CDKN2B-AS1: variants seen among roughly 807,000 people sequenced by gnomAD.
CDKN2B-AS1 encodes the protein CDKN2B antisense RNA 1 (non-protein coding).
intron 1 of CDKN2B-AS1, among the ~76,000 whole-genome samples, chr9:22,013,232 C>T (rs1821588767): frequency 1.3e-5 from 2 of 152,080 alleles, no homozygotes; most frequent in African/African-American, 2.4e-5. Context: ...TTTCCAAATA[C>T]GGTCAAATTG....
chr9:22,062,585 G>T (rs995076623), intron 4 of CDKN2B-AS1, among the ~76,000 whole-genome samples: 5 of 152,112 alleles, frequency 3.3e-5, no homozygotes, highest in South Asian at 2.1e-4. Flanking sequence ...ATGATTCCAA[G>T]AGTCTTTCTC....
exon 5 of CDKN2B-AS1, among the ~76,000 whole-genome samples, chr9:22,127,787 G>C (rs989525582): frequency 6.6e-6 from 1 of 152,184 alleles, no homozygotes; most frequent in Non-Finnish European, 1.5e-5. Flanking sequence ...TCTAATTGTA[G>C]AACTCACTTC....
At chr9:22,007,558 CG>C (rs1377478515) in intron 1 of CDKN2B-AS1, among the ~76,000 whole-genome samples, 1 of 151,868 alleles carries the variant, frequency 6.6e-6, no homozygotes, top group Non-Finnish European at 1.5e-5. Context: ...TGTCTAAAAT[CG>C]AGTTATTTGT....
chr9:22,088,886 A>G (rs892255296), intron 4 of CDKN2B-AS1, among the ~76,000 whole-genome samples: 3 of 152,214 alleles, frequency 2.0e-5, no homozygotes, highest in Non-Finnish European at 4.4e-5. Context: ...TCCCTTTGCT[A>G]AAATAAACAG....
At chr9:22,041,215 A>G (rs1563940727) in intron 1 of CDKN2B-AS1, among the ~76,000 whole-genome samples, 1 of 152,056 alleles carries the variant, frequency 6.6e-6, no homozygotes, top group Non-Finnish European at 1.5e-5. Flanking sequence ...GGAGAAAAAG[A>G]AAAGAGAGAA....
intron 1 of CDKN2B-AS1, among the ~76,000 whole-genome samples, chr9:22,027,968 A>G (rs182541352): frequency 1.3e-5 from 2 of 152,354 alleles, no homozygotes; most frequent in African/African-American, 2.4e-5. Context: ...CATAAAACAT[A>G]CAAGATCTGG....
At chr9:22,069,153 T>C (rs995870311) in intron 4 of CDKN2B-AS1, among the ~76,000 whole-genome samples, 8 of 152,164 alleles carry the variant, frequency 5.3e-5, no homozygotes, top group Non-Finnish European at 8.8e-5. Flanking sequence ...GGGTAGGTCA[T>C]ACAGAGCGAT....
chr9:22,060,793 A>C (rs1334552568), intron 4 of CDKN2B-AS1, among the ~76,000 whole-genome samples: 1 of 152,172 alleles, frequency 6.6e-6, no homozygotes, highest in African/African-American at 2.4e-5. Flanking sequence ...GGCACTTCTC[A>C]TGTGGCAGTG....
Position 21,995,908 on chromosome 9 carries a change from C to T in CDKN2B-AS1, n.29+747C>T, listed in dbSNP as rs1487480122. 6.6e-6 allele frequency: 1 copy of T among 152,594 alleles called. No individual in the cohort carries two copies. Among genetic ancestry groups the T allele is most frequent in the Non-Finnish European group, 1.5e-5 (1 of 68,238 alleles). The allele number at this position is 152,594 out of a possible 1,614,324, so 9.5% of individuals were successfully genotyped here. A position where few individuals can be genotyped will look rare whatever the true frequency, so the allele number is the denominator to read the frequency against. On this transcript the variant is annotated intron_variant and non_coding_transcript_variant, in intron 1 of 4. Transcript: ENST00000650946. The surrounding 1 kb of genome is among the most constrained non-coding windows in gnomAD (Gnocchi z 5.7). ...CGTCCTAAACCTCGCGGGCTGGACC[C>T]GCGGCCTGAGTGGGTGGGTGTGTGC...
Position 21,997,919 on chromosome 9 carries a change from T to C in CDKN2B-AS1, n.29+2758T>C, listed in dbSNP as rs767548293. Among the ~76,000 whole-genome samples the C allele has an allele frequency of 1.3e-5, 2 of 152,110 alleles. No individual in the cohort carries two copies. The highest frequency in any genetic ancestry group is 2.4e-5 in the African/African-American group (1 of 41,408). ...TGAGGATCAAATTTAAATTGAGGGA[T>C]CTATCTTTGTTTATTGGAGCCATAT... On this transcript the variant is annotated intron_variant and non_coding_transcript_variant, in intron 1 of 4. Coordinates refer to ENST00000650946, the Ensembl canonical transcript of CDKN2B-AS1. The surrounding 1 kb of genome is among the most constrained non-coding windows in gnomAD (Gnocchi z 4.8).
chr9:22,091,476 A>C (rs1825082165), intron 4 of CDKN2B-AS1, among the ~76,000 whole-genome samples: 1 of 152,096 alleles, frequency 6.6e-6, no homozygotes, highest in Non-Finnish European at 1.5e-5. Flanking sequence ...ATGTTCTTCC[A>C]TTTGTTTGTA....
At chr9:22,124,361 A>C (rs1165951172) in intron 4 of CDKN2B-AS1, among the ~76,000 whole-genome samples, 1 of 152,296 alleles carries the variant, frequency 6.6e-6, no homozygotes, top group East Asian at 1.9e-4. Context: ...CTAAACTAAC[A>C]AACAGCCAAT....
intron 4 of CDKN2B-AS1, among the ~76,000 whole-genome samples, chr9:22,105,176 T>C (rs780727223): frequency 1.1e-4 from 16 of 152,156 alleles, no homozygotes; most frequent in Non-Finnish European, 2.2e-4. Context: ...GGCTGGGATA[T>C]TGTGGGCTCA....
intron 4 of CDKN2B-AS1, among the ~76,000 whole-genome samples, chr9:22,082,348 G>A (rs900699756): frequency 1.3e-5 from 2 of 152,164 alleles, no homozygotes; most frequent in African/African-American, 2.4e-5. Flanking sequence ...AAGGCATAAA[G>A]TGTGCTAGTG....
chr9:22,074,436 A>G (rs1006356763), intron 4 of CDKN2B-AS1, among the ~76,000 whole-genome samples: 2 of 152,214 alleles, frequency 1.3e-5, no homozygotes, highest in African/African-American at 4.8e-5. Flanking sequence ...TGAAGAGGAC[A>G]TAGGGGGATG....
chr9:22,091,576 T>C (rs542214063), intron 4 of CDKN2B-AS1, among the ~76,000 whole-genome samples: 1 of 152,314 alleles, frequency 6.6e-6, no homozygotes, highest in East Asian at 1.9e-4. Context: ...GGTATTTTAT[T>C]CTCTTTGAAG....
chr9:22,036,776 G>T (rs1219161517), intron 1 of CDKN2B-AS1, among the ~76,000 whole-genome samples: 1 of 152,106 alleles, frequency 6.6e-6, no homozygotes, highest in African/African-American at 2.4e-5. Flanking sequence ...TGCCTTTGGA[G>T]AGGTATTATA....
At chr9:22,007,150 A>C (rs1469197613) in intron 1 of CDKN2B-AS1, among the ~76,000 whole-genome samples, 2 of 152,188 alleles carry the variant, frequency 1.3e-5, no homozygotes, top group Non-Finnish European at 2.9e-5. Context: ...ACCTGAGGTC[A>C]GGAGTTCGAG....
chr9:22,083,401 A>T (rs68006815), intron 4 of CDKN2B-AS1, among the ~76,000 whole-genome samples: 4,257 of 152,282 alleles, frequency 0.028, 84 homozygotes, highest in Non-Finnish European at 0.042. Context: ...CAGAGGTAAG[A>T]ATGCTACCGC....
Sources: allele counts gnomAD v4.1 joint callset (sites outside exome capture counted in the v4.1 genomes callset), GRCh38; gene constraint gnomAD v4.1.1; non-coding constraint Gnocchi (gnomAD v3.1); transcripts MANE v1.5; gene names NCBI Gene and HGNC (gene_info 2026-07-23, HGNC 2026-07-21).